Variants in PKN2 observed in about 807,000 individuals in gnomAD.
PKN2 encodes serine/threonine-protein kinase N2.
Under a neutral mutation model 119.1 loss-of-function variants are expected in PKN2, and 38 were observed. That is an observed-to-expected ratio of 0.32 (90% CI 0.25 to 0.42). The LOEUF (loss-of-function observed/expected upper bound fraction) is 0.42, where lower values mean the gene tolerates loss of function less well. Among genes scored for constraint, PKN2 ranks in the 10% least tolerant of loss-of-function variants. The probability of loss-of-function intolerance (pLI) is 1.00; values close to 1 mark genes in which losing one functional copy is unlikely to be tolerated. For missense variants in PKN2, 850 were observed against 1,165.1 expected (o/e 0.73, Z 3.94); for synonymous variants, 390 against 384.9 (o/e 1.01, Z -0.15).
chr1:88,799,951 C>T (rs865855069), intron 8 of PKN2, among the ~76,000 whole-genome samples: 4 of 152,330 alleles, frequency 2.6e-5, no homozygotes, highest in Middle Eastern at 3.4e-3. Context: ...CCAATATCAT[C>T]GCTCGTGTAC....
At chr1:88,694,909 G>A (rs1175532962) in intron 1 of PKN2, among the ~76,000 whole-genome samples, 4 of 152,112 alleles carry the variant, frequency 2.6e-5, no homozygotes, top group Admixed American at 6.6e-5. Context: ...AGGCCAAGGC[G>A]GGCAGATCAT....
At chr1:88,784,347 T>C (rs1670482859) in intron 6 of PKN2, among the ~76,000 whole-genome samples, 1 of 151,928 alleles carries the variant, frequency 6.6e-6, no homozygotes, top group South Asian at 2.1e-4. Context: ...GGTCTCAAAC[T>C]CCTAAATTCA....
chr1:88,794,179 C>G (rs10922489), intron 8 of PKN2, among the ~76,000 whole-genome samples: 2 of 151,770 alleles, frequency 1.3e-5, no homozygotes, highest in African/African-American at 4.8e-5. Context: ...ACCAGCCTGA[C>G]GAACATGGAG....
chr1:88,807,490 C>T (rs776981426), intron 13 of PKN2, 39 bp from the exon 14 acceptor site: 2 of 1,602,438 alleles, frequency 1.2e-6, no homozygotes, highest in Admixed American at 1.7e-5. Context: ...TGGTACCATA[C>T]TTTATTGTCT....
chr1:88,818,830 T>C (rs917946303), intron 16 of PKN2, among the ~76,000 whole-genome samples: 19 of 151,888 alleles, frequency 1.3e-4, no homozygotes, highest in African/African-American at 4.1e-4. Context: ...CCAAAACATG[T>C]ATATAGACCA....
chr1:88,771,981 T>G, intron 6 of PKN2, 102 bp downstream of exon 6: 1 of 729,874 alleles, frequency 1.4e-6, no homozygotes, highest in South Asian at 1.8e-5. Context: ...TTTAAAATTA[T>G]GATAAGATAC....
intron 1 of PKN2, among the ~76,000 whole-genome samples, chr1:88,694,715 A>G (rs1207899851): frequency 6.6e-6 from 1 of 152,176 alleles, no homozygotes; most frequent in Non-Finnish European, 1.5e-5. Context: ...ACTATTTTGT[A>G]TTCCTACCAA....
chr1:88,688,513 C>A (rs905168621), intron 1 of PKN2, among the ~76,000 whole-genome samples: 1 of 152,196 alleles, frequency 6.6e-6, no homozygotes, highest in Non-Finnish European at 1.5e-5. Context: ...CTTTACACTA[C>A]TTGTTAGCTC....
chr1:88,792,117 CAT>C (rs1483066684), intron 8 of PKN2, among the ~76,000 whole-genome samples: 2 of 152,164 alleles, frequency 1.3e-5, no homozygotes, highest in African/African-American at 2.4e-5. Flanking sequence ...TTAAAAATAA[CAT>C]GTCGGCCGGG....
chr1:88,832,389 G>A (rs1321136521), intron 19 of PKN2, among the ~76,000 whole-genome samples: 1 of 151,786 alleles, frequency 6.6e-6, no homozygotes, highest in African/African-American at 2.4e-5. Flanking sequence ...TTGACTGTCT[G>A]GCCAAATAGG....
At chr1:88,819,239 A>G (rs551221462) in intron 16 of PKN2, among the ~76,000 whole-genome samples, 17 of 152,254 alleles carry the variant, frequency 1.1e-4, no homozygotes, top group African/African-American at 3.9e-4. Flanking sequence ...TGAACAGGCA[A>G]CCTACAGAAT....
intron 1 of PKN2, among the ~76,000 whole-genome samples, chr1:88,732,938 A>C (rs1668199667): frequency 6.6e-6 from 1 of 152,194 alleles, no homozygotes; most frequent in South Asian, 2.1e-4. Context: ...CATAGGTGGA[A>C]TCTAAAAGGT....
intron 1 of PKN2, among the ~76,000 whole-genome samples, chr1:88,706,416 T>C (rs1209136139): frequency 4.2e-4 from 64 of 152,194 alleles, no homozygotes; most frequent in Non-Finnish European, 1.5e-5. Flanking sequence ...ATGATAATGC[T>C]GTCTTTGCAT....
intron 15 of PKN2, among the ~76,000 whole-genome samples, chr1:88,812,811 G>A (rs959196250): frequency 6.6e-6 from 1 of 152,074 alleles, no homozygotes; most frequent in African/African-American, 2.4e-5. Context: ...TCTTTGTTTT[G>A]TCTTATTTCA....
intron 7 of PKN2, among the ~76,000 whole-genome samples, chr1:88,785,357 C>T (rs1670529374): frequency 6.6e-6 from 1 of 152,070 alleles, no homozygotes; most frequent in Non-Finnish European, 1.5e-5. Context: ...CTCAGGGGCT[C>T]TAGCTGTCCT....
chr1:88,711,206 C>A (rs969349279), intron 1 of PKN2, among the ~76,000 whole-genome samples: 8 of 151,934 alleles, frequency 5.3e-5, no homozygotes, highest in Non-Finnish European at 1.2e-4. Context: ...GGCTTAATTA[C>A]CTGGGTGATG....
intron 16 of PKN2, among the ~76,000 whole-genome samples, chr1:88,814,316 A>G (rs553454027): frequency 2.2e-4 from 33 of 152,340 alleles, no homozygotes; most frequent in African/African-American, 7.0e-4. Context: ...TGGCTTATTC[A>G]AATAAATAAG....
chr1:88,827,948 C>G (rs1331549330), intron 18 of PKN2, among the ~76,000 whole-genome samples: 1 of 151,926 alleles, frequency 6.6e-6, no homozygotes, highest in Admixed American at 6.6e-5. Flanking sequence ...TGGTCTTGAA[C>G]TCCTGACCTC....
chr1:88,706,910 T>C (rs1379150138), intron 1 of PKN2, among the ~76,000 whole-genome samples: 1 of 152,024 alleles, frequency 6.6e-6, no homozygotes, highest in African/African-American at 2.4e-5. Context: ...CATTCCATTT[T>C]GGTCAAAGAA....
Sources: allele counts gnomAD v4.1 joint callset (sites outside exome capture counted in the v4.1 genomes callset), GRCh38; gene constraint gnomAD v4.1.1; transcripts MANE v1.5; gene names NCBI Gene and HGNC (gene_info 2026-07-23, HGNC 2026-07-21).